The following TRAM2 variants were observed in gnomAD, a reference collection of about 807,000 sequenced individuals.
TRAM2 encodes the protein translocating chain-associated membrane protein 2.
A neutral mutation model predicts 51.0 loss-of-function variants in TRAM2; 12 were observed. That is an observed-to-expected ratio of 0.24 (90% CI 0.15 to 0.38). The LOEUF (loss-of-function observed/expected upper bound fraction) is 0.38. Among genes scored for constraint, TRAM2 ranks in the 10% least tolerant of loss-of-function variants. The pLI is 1.00. For missense variants in TRAM2, 361 were observed against 462.0 expected (o/e 0.78, Z 2.00); for synonymous variants, 175 against 179.4 (o/e 0.98, Z 0.20).
chr6:52,574,416 A>G (rs760590810), intron 1 of TRAM2, among the ~76,000 whole-genome samples: 6 of 152,210 alleles, frequency 3.9e-5, no homozygotes, highest in Admixed American at 2.0e-4. Flanking sequence ...GGCCCCCACC[A>G]TGTGCCCAGC....
At chr6:52,558,058 G>A (rs530880892) in intron 1 of TRAM2, among the ~76,000 whole-genome samples, 16 of 152,298 alleles carry the variant, frequency 1.1e-4, no homozygotes, top group African/African-American at 3.8e-4. Context: ...GGGGTTTGGT[G>A]AAGTTCTGGT....
At chr6:52,517,019 C>A (rs959819954) in intron 2 of TRAM2, 4 of 373,962 alleles carry the variant, frequency 1.1e-5, no homozygotes, top group Non-Finnish European at 2.0e-5. Flanking sequence ...TATAACAGAG[C>A]CAGGGTTAGA....
intron 9 of TRAM2, 96 bp downstream of exon 9, chr6:52,505,503 A>C (rs1340927778): frequency 1.4e-6 from 2 of 1,461,232 alleles, no homozygotes; most frequent in Non-Finnish European, 1.8e-6. Context: ...AATATGTGGG[A>C]GACTAAAGGG....
At chr6:52,510,469 T>G (rs1443489146) in intron 4 of TRAM2, among the ~76,000 whole-genome samples, 1 of 152,124 alleles carries the variant, frequency 6.6e-6, no homozygotes, top group Non-Finnish European at 1.5e-5. Flanking sequence ...CAAAAGGCAC[T>G]AGTTATGGGC....
rs187317220 is a variant in TRAM2 at position 52,505,551 on chromosome 6, G to A, written c.875+48C>T. ...AGACCTTCTGCAAGGGCTGTGCCAA[G>A]TTCAGGAGGCTCCCTGGCTTATCAC... On this transcript the variant is annotated intron_variant, in intron 9 of 10. Transcript: ENST00000182527. 7.3e-5 allele frequency: 114 copies of A among 1,559,186 alleles called. No individual in the cohort carries two copies. In the Admixed American group the frequency reaches 1.9e-3, roughly 25 times the overall value.
chr6:52,509,015 C>G (rs1283317331), intron 5 of TRAM2, among the ~76,000 whole-genome samples: 1 of 152,138 alleles, frequency 6.6e-6, no homozygotes, highest in Non-Finnish European at 1.5e-5. Context: ...CCCTGGGCAA[C>G]AAGAGCAAAT....
intron 1 of TRAM2, among the ~76,000 whole-genome samples, chr6:52,551,514 G>C (rs1227838163): frequency 1.3e-5 from 2 of 152,180 alleles, no homozygotes; most frequent in Non-Finnish European, 2.9e-5. Context: ...TGAGGGAGGA[G>C]AGAAAGTCTG....
At chr6:52,552,705 T>C (rs1767330614) in intron 1 of TRAM2, among the ~76,000 whole-genome samples, 1 of 152,224 alleles carries the variant, frequency 6.6e-6, no homozygotes, top group Non-Finnish European at 1.5e-5. Context: ...CAGCCACTTC[T>C]ATTCCGGCGA....
rs1285539150 is a variant in TRAM2 at position 52,502,465 on chromosome 6, C to T, written c.*732G>A. On this transcript the variant is annotated 3_prime_UTR_variant, in exon 11 of 11. Transcript: ENST00000182527. Reference sequence around the variant, plus strand: ...TCCCCCCCCACAGAGCGACAGCAGGCTGGCTTCCAATCCGCGGCCAGCCAC... The same window carrying T: ...TCCCCCCCCACAGAGCGACAGCAGGTTGGCTTCCAATCCGCGGCCAGCCAC... 6.6e-6 allele frequency: 1 copy of T among 152,228 alleles called. No homozygotes were observed. The highest frequency in any genetic ancestry group is 2.4e-5 in the African/African-American group (1 of 41,444). The allele number at this position is 152,228 out of a possible 1,614,324, so 9.4% of individuals were successfully genotyped here. A position where few individuals can be genotyped will look rare whatever the true frequency, so the allele number is the denominator to read the frequency against.
intron 9 of TRAM2, 85 bp downstream of exon 9, chr6:52,505,514 T>G: frequency 6.7e-7 from 1 of 1,494,018 alleles, no homozygotes; most frequent in Non-Finnish European, 9.0e-7. Flanking sequence ...GACTAAAGGG[T>G]CTGCTGCCTC....
chr6:52,566,134 G>A (rs951066326), intron 1 of TRAM2, among the ~76,000 whole-genome samples: 7 of 152,176 alleles, frequency 4.6e-5, no homozygotes, highest in Admixed American at 2.0e-4. Context: ...CGAAGGCAAT[G>A]CAAGAAGGTG....
At chr6:52,536,321 CAG>C (rs1320025699) in intron 1 of TRAM2, among the ~76,000 whole-genome samples, 8 of 152,206 alleles carry the variant, frequency 5.3e-5, no homozygotes, top group African/African-American at 1.9e-4. Context: ...GCTTCAGAAA[CAG>C]AGAATTCCAG....
intron 4 of TRAM2, among the ~76,000 whole-genome samples, chr6:52,514,797 T>C (rs1229182071): frequency 2.0e-5 from 3 of 152,202 alleles, no homozygotes; most frequent in Non-Finnish European, 4.4e-5. Flanking sequence ...GGGCATGAAC[T>C]GAACGTCAAG....
intron 2 of TRAM2, among the ~76,000 whole-genome samples, chr6:52,522,308 G>A (rs1392417190): frequency 6.6e-6 from 1 of 152,270 alleles, no homozygotes; most frequent in African/African-American, 2.4e-5. Flanking sequence ...GGAGGCAGTG[G>A]CGTAGCTGCA....
intron 4 of TRAM2, 88 bp from the exon 5 acceptor site, chr6:52,509,674 T>C (rs1581869374): frequency 2.6e-6 from 3 of 1,135,052 alleles, no homozygotes; most frequent in South Asian, 2.6e-5. Context: ...CAGGGATGCA[T>C]CCAGTCCCCA....
At chr6:52,575,018 A>G (rs375243263) in intron 1 of TRAM2, among the ~76,000 whole-genome samples, 58 of 152,308 alleles carry the variant, frequency 3.8e-4, no homozygotes, top group Middle Eastern at 3.4e-3. Flanking sequence ...ACGCACTTGG[A>G]GGCCTCTTAG....
chr6:52,515,750 AATGATT>A (rs1401265010), intron 4 of TRAM2: 2 of 439,220 alleles, frequency 4.6e-6, no homozygotes, highest in Admixed American at 7.6e-5. Flanking sequence ...AGTATTGCAT[AATGATT>A]ATAACAAGTG....
At chr6:52,559,805 A>G (rs973571838) in intron 1 of TRAM2, among the ~76,000 whole-genome samples, 1 of 152,216 alleles carries the variant, frequency 6.6e-6, no homozygotes, top group Non-Finnish European at 1.5e-5. Context: ...TCATATGCCA[A>G]TATGTGGTAT....
intron 1 of TRAM2, among the ~76,000 whole-genome samples, chr6:52,550,680 T>C (rs749061175): frequency 1.1e-4 from 16 of 152,224 alleles, no homozygotes; most frequent in Middle Eastern, 6.8e-3. Flanking sequence ...GCCTCCCGAA[T>C]AGCTAGGATT....
Sources: allele counts gnomAD v4.1 joint callset (sites outside exome capture counted in the v4.1 genomes callset), GRCh38; gene constraint gnomAD v4.1.1; transcripts MANE v1.5; gene names NCBI Gene and HGNC (gene_info 2026-07-23, HGNC 2026-07-21).